PIK3CB: variants seen among roughly 807,000 people sequenced by gnomAD.
PIK3CB encodes phosphatidylinositol 4,5-bisphosphate 3-kinase catalytic subunit beta isoform.
A neutral mutation model predicts 136.8 loss-of-function variants in PIK3CB; 39 were observed. The ratio of observed to expected loss-of-function variants is 0.29; its 90% confidence interval spans 0.22 to 0.37. The LOEUF (loss-of-function observed/expected upper bound fraction) is 0.37, where lower values mean the gene tolerates loss of function less well. Ranked by LOEUF, PIK3CB falls within the 10% of genes least tolerant of loss-of-function variation. The probability of loss-of-function intolerance (pLI) is 1.00; values close to 1 mark genes in which losing one functional copy is unlikely to be tolerated. For missense variants in PIK3CB, 868 were observed against 1,275.4 expected, an observed-to-expected ratio of 0.68 and a Z score of 4.87; for synonymous variants, 428 against 436.6, an observed-to-expected ratio of 0.98 and a Z score of 0.25.
intron 8 of PIK3CB, among the ~76,000 whole-genome samples, chr3:138,718,465 A>G (rs1051192335): frequency 6.6e-6 from 1 of 152,054 alleles, no homozygotes; most frequent in African/African-American, 2.4e-5. Context: ...CCCATTCTGT[A>G]GGCTGTTTAC....
intron 2 of PIK3CB, among the ~76,000 whole-genome samples, chr3:138,788,633 G>T (rs2046009312): frequency 1.5e-5 from 2 of 133,646 alleles, no homozygotes; most frequent in East Asian, 2.3e-4. Flanking sequence ...CTCAAGCCTG[G>T]GTGACAGAGC....
At chr3:138,691,246 T>A (rs2044001599) in intron 14 of PIK3CB, 103 bp from the exon 15 acceptor site, 1 of 1,052,098 alleles carries the variant, frequency 9.5e-7, no homozygotes, top group African/African-American at 1.6e-5. Context: ...ACACAATGGT[T>A]CTTTTGGGCC....
At chr3:138,762,360 T>C (rs1425416533) in intron 2 of PIK3CB, among the ~76,000 whole-genome samples, 1 of 152,366 alleles carries the variant, frequency 6.6e-6, no homozygotes, top group East Asian at 1.9e-4. Flanking sequence ...GTGGTCTTAC[T>C]TTTAGCCATG....
Position 138,733,378 on chromosome 3 carries a change from T to C in PIK3CB, c.1033A>G (p.Thr345Ala), listed in dbSNP as rs1398782510. The C allele has an allele frequency of 1.3e-6, 2 of 1,557,852 alleles. No individual in the cohort carries two copies. Among genetic ancestry groups the C allele is most frequent in the East Asian group, 2.3e-5 (1 of 44,344 alleles). Residue 345 changes from threonine to alanine, a missense_variant, in exon 8 of 24, where the codon ACA becomes GCA. Coordinates refer to ENST00000674063, the MANE Select transcript of PIK3CB (RefSeq NM_006219.3). The stretch of plus-strand genomic sequence containing the variant: ...GTACTCACTTTTACAGTTTCCTCTG[T>C]GTTAAGTTTATTTCCCTTAACCAAG... ...IVLVKGNKLN[T>A]EETVKVHVRA...
intron 2 of PIK3CB, 41 bp downstream of exon 2, chr3:138,796,422 C>A: frequency 6.7e-6 from 1 of 148,948 alleles, no homozygotes. Flanking sequence ...TATACTCTAA[C>A]CAATATATAA....
chr3:138,666,924 G>A (rs1169237874), intron 19 of PIK3CB, among the ~76,000 whole-genome samples: 2 of 152,112 alleles, frequency 1.3e-5, no homozygotes, highest in Non-Finnish European at 2.9e-5. Flanking sequence ...CTTCCTGGCC[G>A]GGTGCGGTGG....
At chr3:138,832,156 A>G (rs534973288) in intron 1 of PIK3CB, among the ~76,000 whole-genome samples, 1 of 152,310 alleles carries the variant, frequency 6.6e-6, no homozygotes, top group East Asian at 1.9e-4. Flanking sequence ...TTTTCCATAT[A>G]GTTGGCTGAC....
intron 2 of PIK3CB, among the ~76,000 whole-genome samples, chr3:138,764,237 C>T (rs6804048): frequency 0.031 from 4,569 of 147,868 alleles, 232 homozygotes; most frequent in African/African-American, 0.11. Context: ...CTGCTTGAGC[C>T]CAGGAGCCCA....
chr3:138,714,327 G>A (rs939565204), intron 9 of PIK3CB, 141 bp downstream of exon 9: 1 of 551,062 alleles, frequency 1.8e-6, no homozygotes, highest in Non-Finnish European at 3.1e-6. Context: ...TATAAACATG[G>A]AAATTTCTTA....
At chr3:138,676,613 C>T (rs957098285) in intron 19 of PIK3CB, among the ~76,000 whole-genome samples, 1 of 152,130 alleles carries the variant, frequency 6.6e-6, no homozygotes, top group African/African-American at 2.4e-5. Context: ...TATTCATTAA[C>T]TGATGTATGG....
chr3:138,655,380 G>A lies in PIK3CB; in HGVS notation c.*9C>T, dbSNP rs2108380832. Reference sequence around the variant, plus strand: ...AACCAACAAATACATTAGGAGCGAAGGCTGATCGTTAAGATCTGTAGTCTT... The same window carrying A: ...AACCAACAAATACATTAGGAGCGAAAGCTGATCGTTAAGATCTGTAGTCTT... On this transcript the variant is annotated 3_prime_UTR_variant, in exon 24 of 24. Coordinates refer to ENST00000674063, the MANE Select transcript of PIK3CB (RefSeq NM_006219.3). 6.2e-7 allele frequency: 1 copy of A among 1,613,666 alleles called. No homozygotes were observed. Among genetic ancestry groups the A allele is most frequent in the South Asian group, 1.1e-5 (1 of 90,978 alleles).
rs2046071583 is a variant in PIK3CB at position 138,793,137 on chromosome 3, AGT to A, written c.-17+3324_-17+3325del. The stretch of plus-strand genomic sequence containing the variant: ...GCCAGGCACTCTTGTAGACAAGATT[AGT>A]GTTCTCGTGGAGCTAATCACTGGAG... On this transcript the variant is annotated intron_variant, in intron 2 of 23. Coordinates refer to ENST00000674063, the MANE Select transcript of PIK3CB (RefSeq NM_006219.3). Among the ~76,000 whole-genome samples the A allele has an allele frequency of 2.6e-5, 4 of 152,346 alleles. No homozygotes were observed. The South Asian group carries it at 8.3e-4, about 32-fold the overall frequency.
chr3:138,690,715 AAC>A (rs201096525), intron 15 of PIK3CB, among the ~76,000 whole-genome samples: 97 of 147,560 alleles, frequency 6.6e-4, no homozygotes, highest in African/African-American at 2.5e-3. Context: ...GCAGGTAGAA[AAC>A]ACACACAAAA....
At chr3:138,685,396 C>CAAAAAAAAAAA (rs398052626) in intron 16 of PIK3CB, among the ~76,000 whole-genome samples, 39 of 58,336 alleles carry the variant, frequency 6.7e-4, no homozygotes, top group African/African-American at 2.4e-3. Flanking sequence ...GAAACTGTCT[C>CAAAAAAAAAAA]AAAAAAAAAA....
chr3:138,714,047 T>C (rs776274291), intron 9 of PIK3CB, among the ~76,000 whole-genome samples: 18 of 152,352 alleles, frequency 1.2e-4, no homozygotes, highest in South Asian at 2.1e-4. Flanking sequence ...ACAAGATATG[T>C]TGAGTCAGTT....
chr3:138,688,724 T>C (rs984375578), intron 16 of PIK3CB, 151 bp downstream of exon 16: 5 of 551,160 alleles, frequency 9.1e-6, no homozygotes, highest in African/African-American at 5.7e-5. Flanking sequence ...GAGACTTCTA[T>C]GAAATAATGT....
chr3:138,755,721 G>A (rs2045554422), intron 4 of PIK3CB, 33 bp downstream of exon 4: 2 of 1,042,202 alleles, frequency 1.9e-6, no homozygotes, highest in Non-Finnish European at 2.9e-6. Context: ...GATATATTAA[G>A]AATTTGTACT....
chr3:138,698,111 C>T (rs962918229), intron 13 of PIK3CB, among the ~76,000 whole-genome samples: 3 of 152,032 alleles, frequency 2.0e-5, no homozygotes, highest in African/African-American at 7.2e-5. Flanking sequence ...ACAATAAATC[C>T]AAAGATTTTT....
chr3:138,718,503 G>A (rs1409301411), intron 8 of PIK3CB, among the ~76,000 whole-genome samples: 1 of 152,156 alleles, frequency 6.6e-6, no homozygotes, highest in Non-Finnish European at 1.5e-5. Flanking sequence ...TGGCTCTGCA[G>A]AAGCTCTTAC....
Sources: allele counts gnomAD v4.1 joint callset (sites outside exome capture counted in the v4.1 genomes callset), GRCh38; gene constraint gnomAD v4.1.1; transcripts MANE v1.5; gene names NCBI Gene and HGNC (gene_info 2026-07-23, HGNC 2026-07-21).